The following ACTN4 variants were observed in gnomAD, a reference collection of about 807,000 sequenced individuals.
ACTN4 encodes actinin alpha 4, also known as alpha-actinin-4.
A neutral mutation model predicts 114.2 loss-of-function variants in ACTN4; 18 were observed. The ratio of observed to expected loss-of-function variants is 0.16; its 90% confidence interval spans 0.11 to 0.23. The LOEUF is 0.23. Among genes scored for constraint, ACTN4 ranks in the 10% least tolerant of loss-of-function variants. The pLI is 1.00. For missense variants in ACTN4, 722 were observed against 1,262.9 expected (o/e 0.57, Z 6.49); for synonymous variants, 515 against 506.3 (o/e 1.02, Z -0.23).
chr19:38,715,287 T>C (rs1712061869), intron 9 of ACTN4, among the ~76,000 whole-genome samples: 1 of 152,154 alleles, frequency 6.6e-6, no homozygotes, highest in Non-Finnish European at 1.5e-5. Context: ...ACTTGAGGTC[T>C]GGAGTTCAAA....
chr19:38,673,517 T>TCATATATATTTATATATATTAATA (rs1555826155), intron 1 of ACTN4, among the ~76,000 whole-genome samples: 7 of 80,390 alleles, frequency 8.7e-5, no homozygotes, highest in Non-Finnish European at 1.8e-4. Context: ...GAATATATAT[T>TCATATATATTTATATATATTAATA]TATATATATT....
At chr19:38,728,588 C>T (rs1969346602) in intron 19 of ACTN4, among the ~76,000 whole-genome samples, 1 of 152,076 alleles carries the variant, frequency 6.6e-6, no homozygotes, top group South Asian at 2.1e-4. Flanking sequence ...TTCCCGAGCC[C>T]CCCTTCTTCC....
intron 1 of ACTN4, among the ~76,000 whole-genome samples, chr19:38,676,474 A>C (rs1967378378): frequency 6.6e-6 from 1 of 152,196 alleles, no homozygotes. Context: ...GTGTCCTGCG[A>C]CTGGGCTGGA....
chr19:38,716,600 A>C (rs888551194), intron 9 of ACTN4, among the ~76,000 whole-genome samples: 3 of 152,236 alleles, frequency 2.0e-5, no homozygotes, highest in African/African-American at 7.2e-5. Context: ...TTGGGAGGCT[A>C]AAGTGGGATT....
Position 38,722,640 on chromosome 19 carries a change from T to G in ACTN4, c.1442+952T>G, listed in dbSNP as rs1390821934. On this transcript the variant is annotated intron_variant, in intron 12 of 20. Coordinates refer to ENST00000252699, the MANE Select transcript of ACTN4 (RefSeq NM_004924.6). ...ACAGCATTTGGCACAGTTGGGGCAC[T>G]CCAGGGGTCCTGCCACCACCACGTC... 2.0e-5 allele frequency among the ~76,000 whole-genome samples: 3 copies of G among 152,136 alleles called. No homozygotes were observed. The East Asian group carries it at 5.8e-4, about 29-fold the overall frequency.
At chr19:38,702,950 G>C (rs1968331347) in intron 3 of ACTN4, among the ~76,000 whole-genome samples, 1 of 152,154 alleles carries the variant, frequency 6.6e-6, no homozygotes, top group Non-Finnish European at 1.5e-5. Context: ...AGTTAGCTTT[G>C]GAACTCACCC....
rs778173002 is a variant in ACTN4, at chr19:38,723,614, C to T, written c.1443C>T (p.Asn481=). The change falls in exon 13 of 21, where the codon AAC becomes AAT. Residue 481 remains asparagine (N), a splice_region_variant and synonymous_variant. Transcript: ENST00000252699. ...TCATTGCTCTCTGCCCGGCCCGCAGCGAGCTGGATTACTACGACTCCCACA... is the reference window on the plus strand; with the variant it reads ...TCATTGCTCTCTGCCCGGCCCGCAGTGAGCTGGATTACTACGACTCCCACA... ...EQIAAIAQEL[N]ELDYYDSHNV... is the part of the protein sequence containing the mutation. 2.5e-5 allele frequency: 41 copies of T among 1,608,882 alleles called. No homozygotes were observed. Among genetic ancestry groups the T allele is most frequent in the East Asian group, 8.9e-5 (4 of 44,790 alleles).
intron 1 of ACTN4, among the ~76,000 whole-genome samples, chr19:38,673,676 A>T (rs1380986740): frequency 2.0e-5 from 2 of 102,110 alleles, no homozygotes; most frequent in African/African-American, 4.6e-5. Flanking sequence ...ATATATATTT[A>T]TATATTTATA....
chr19:38,696,325 G>A (rs988658213), intron 1 of ACTN4, among the ~76,000 whole-genome samples: 4 of 151,942 alleles, frequency 2.6e-5, no homozygotes, highest in Non-Finnish European at 4.4e-5. Context: ...GAATATGTAC[G>A]GACCCATGGT....
chr19:38,724,087 C>A lies in ACTN4; in HGVS notation c.1692+10C>A. ...CATCGAGGAGATTGAGGTTCGCACC[C>A]CCCGGCCCCCCATCTTCCCAAGAGC... On this transcript the variant is annotated intron_variant, in intron 14 of 20. Coordinates refer to ENST00000252699, the MANE Select transcript of ACTN4 (RefSeq NM_004924.6). The surrounding 1 kb of genome is among the most constrained non-coding windows in gnomAD (Gnocchi z 7.0). 3 of 1,613,630 alleles carry A rather than the reference C, an allele frequency of 1.9e-6. No homozygotes were observed. The highest frequency in any genetic ancestry group is 2.2e-5 in the South Asian group (2 of 91,084).
At chr19:38,658,984 C>G (rs575798243) in intron 1 of ACTN4, among the ~76,000 whole-genome samples, 2 of 151,968 alleles carry the variant, frequency 1.3e-5, no homozygotes, top group East Asian at 3.9e-4. Flanking sequence ...ATACCTAGAC[C>G]GGTTAGGGGA....
rs1177137020 is a variant in ACTN4 at position 38,724,648 on chromosome 19, C to T, written c.2010+83C>T. On this transcript the variant is annotated intron_variant, in intron 16 of 20. Transcript: ENST00000252699. This position sits in a 1 kb window ranked among gnomAD's most constrained non-coding sequence, Gnocchi z 7.0. ...AGGGGGTCCCCGGCCAGCCCAGGGC[C>T]TGCAGACTGAGGCGCCTGGCAGAGC... 3.1e-5 allele frequency: 50 copies of T among 1,601,526 alleles called. No individual in the cohort carries two copies. The Admixed American group carries it at 3.8e-4, about 12-fold the overall frequency.
intron 1 of ACTN4, among the ~76,000 whole-genome samples, chr19:38,666,229 C>CA (rs1241265328): frequency 6.6e-6 from 1 of 151,982 alleles, no homozygotes; most frequent in Admixed American, 6.6e-5. Flanking sequence ...CCTGTCCCCC[C>CA]CAAAAGCAAT....
At chr19:38,711,361 G>A in intron 8 of ACTN4, 1 of 1,034,494 alleles carries the variant, frequency 9.7e-7, no homozygotes. Context: ...GGGCTCAGAA[G>A]GTGAGCTGGG....
In ACTN4 at chr19:38,717,134, C is replaced by A; in HGVS notation, c.961C>A (p.Pro321Thr). The A allele has an allele frequency of 6.2e-7, 1 of 1,614,188 alleles. No individual in the cohort carries two copies. The change falls in exon 10 of 21, where the codon CCC becomes ACC. Residue 321 changes from proline to threonine, a missense_variant. Physicochemically the swap from Pro to Thr is conservative, Grantham distance 38 (BLOSUM62 -1). Coordinates refer to ENST00000252699, the MANE Select transcript of ACTN4 (RefSeq NM_004924.6). The surrounding 1 kb of genome is among the most constrained non-coding windows in gnomAD (Gnocchi z 4.0). ...RTIPWLEDRV[P>T]QKTIQEMQQK... ...CATCCCCTGGCTGGAGGACCGTGTG[C>A]CCCAAAAGACTATCCAGGAGATGCA...
At chr19:38,729,225 G>T in intron 20 of ACTN4, 49 bp from the exon 21 acceptor site, 2 of 1,612,732 alleles carry the variant, frequency 1.2e-6, no homozygotes, top group Non-Finnish European at 1.7e-6. Flanking sequence ...GGCTGAGGGG[G>T]CCAGTGTGTG....
chr19:38,678,663 C>A (rs764262109), intron 1 of ACTN4, among the ~76,000 whole-genome samples: 9 of 152,198 alleles, frequency 5.9e-5, no homozygotes, highest in Non-Finnish European at 1.3e-4. Flanking sequence ...GCGACACAGC[C>A]ACCCTTTTTC....
chr19:38,668,423 C>T (rs1194472470), intron 1 of ACTN4, among the ~76,000 whole-genome samples: 1 of 152,232 alleles, frequency 6.6e-6, no homozygotes, highest in Non-Finnish European at 1.5e-5. Context: ...CGCAGTGGCT[C>T]ACTCCTGTAA....
intron 1 of ACTN4, among the ~76,000 whole-genome samples, chr19:38,656,457 A>C (rs1168392973): frequency 1.3e-5 from 2 of 152,204 alleles, no homozygotes; most frequent in South Asian, 4.1e-4. Flanking sequence ...CCACCCCTTC[A>C]TCGGATTTGA....
Sources: allele counts gnomAD v4.1 joint callset (sites outside exome capture counted in the v4.1 genomes callset), GRCh38; gene constraint gnomAD v4.1.1; non-coding constraint Gnocchi (gnomAD v3.1); transcripts MANE v1.5; gene names NCBI Gene and HGNC (gene_info 2026-07-23, HGNC 2026-07-21).